UBE2V2: variants seen among roughly 807,000 people sequenced by gnomAD.
The protein encoded by UBE2V2 is ubiquitin conjugating enzyme E2 V2, also known as ubiquitin-conjugating enzyme E2 variant 2.
UBE2V2 carries 9 observed loss-of-function variants against 17.2 expected under a neutral mutation model. That is an observed-to-expected ratio of 0.52 (90% CI 0.32 to 0.91). The LOEUF (loss-of-function observed/expected upper bound fraction) is 0.91, where lower values mean the gene tolerates loss of function less well. UBE2V2 is among the 40% of genes least tolerant of loss of function. The pLI, the probability that UBE2V2 is intolerant of heterozygous loss-of-function variation, is 0.04. For missense variants in UBE2V2, 133 were observed against 182.6 expected (o/e 0.73, Z 1.56); for synonymous variants, 61 against 57.5 (o/e 1.06, Z -0.28).
At chr8:48,008,773 T>C (rs895432994) in intron 1 of UBE2V2, among the ~76,000 whole-genome samples, 4 of 151,694 alleles carry the variant, frequency 2.6e-5, no homozygotes, top group African/African-American at 7.3e-5. Flanking sequence ...GGCTGAAGGC[T>C]CTACGGGAGG....
intron 1 of UBE2V2, among the ~76,000 whole-genome samples, chr8:48,035,619 GTT>G (rs770027131): frequency 1.3e-3 from 110 of 84,600 alleles, no homozygotes; most frequent in Middle Eastern, 7.6e-3. Flanking sequence ...AAAAATTATT[GTT>G]TTTTTTTTTT....
At chr8:48,049,535 C>T (rs966092656) in intron 2 of UBE2V2, 2 of 192,352 alleles carry the variant, frequency 1.0e-5, no homozygotes, top group Non-Finnish European at 1.1e-5. Context: ...TTTCGTTTTT[C>T]CTTCTTCGTT....
At chr8:48,008,631 G>A in intron 1 of UBE2V2, 161 bp downstream of exon 1, 1 of 1,053,806 alleles carries the variant, frequency 9.5e-7, no homozygotes, top group Non-Finnish European at 1.2e-6. Context: ...GGTGGGACCG[G>A]CGCCGAGGCC....
At chr8:48,051,394 C>T (rs1442374955) in intron 3 of UBE2V2, among the ~76,000 whole-genome samples, 1 of 152,110 alleles carries the variant, frequency 6.6e-6, no homozygotes, top group Non-Finnish European at 1.5e-5. Context: ...CTTGATTTCT[C>T]ATCCCATCCC....
chr8:48,010,896 T>A (rs2091225399), intron 1 of UBE2V2, among the ~76,000 whole-genome samples: 3 of 147,856 alleles, frequency 2.0e-5, no homozygotes, highest in South Asian at 4.2e-4. Flanking sequence ...TTTTTGTATT[T>A]TTTTTTTTTT....
chr8:48,035,629 TTTTG>T (rs1227979330), intron 1 of UBE2V2, among the ~76,000 whole-genome samples: 5 of 133,404 alleles, frequency 3.7e-5, no homozygotes, highest in South Asian at 2.6e-4. Flanking sequence ...GTTTTTTTTT[TTTTG>T]TGTGTGTGTG....
At chr8:48,035,631 T>TTTTTTG (rs1554657539) in intron 1 of UBE2V2, among the ~76,000 whole-genome samples, 6 of 109,538 alleles carry the variant, frequency 5.5e-5, no homozygotes, top group Non-Finnish European at 7.0e-5. Flanking sequence ...TTTTTTTTTT[T>TTTTTTG]TGTGTGTGTG....
intron 1 of UBE2V2, among the ~76,000 whole-genome samples, chr8:48,015,588 T>C (rs1403260930): frequency 6.6e-6 from 1 of 152,144 alleles, no homozygotes; most frequent in African/African-American, 2.4e-5. Context: ...CTCTTAAACT[T>C]GTTCCTCCTG....
intron 1 of UBE2V2, among the ~76,000 whole-genome samples, chr8:48,040,180 C>T (rs2091452135): frequency 6.6e-6 from 1 of 151,834 alleles, no homozygotes; most frequent in East Asian, 1.9e-4. Context: ...TGTGTGTACT[C>T]TCTCTTCCCC....
intron 1 of UBE2V2, among the ~76,000 whole-genome samples, chr8:48,017,337 A>G (rs1420661790): frequency 6.6e-6 from 1 of 150,492 alleles, no homozygotes; most frequent in African/African-American, 2.4e-5. Flanking sequence ...TCAGATATAT[A>G]GTTTACGAGT....
At chr8:48,005,487 A>G (rs988500877), upstream of UBE2V2, among the ~76,000 whole-genome samples, 3 of 152,214 alleles carry the variant, frequency 2.0e-5, no homozygotes, top group Non-Finnish European at 4.4e-5. Context: ...ATACATGTGC[A>G]TGTGTCTTTA....
At chr8:48,026,171 G>A in intron 1 of UBE2V2, among the ~76,000 whole-genome samples, 1 of 151,024 alleles carries the variant, frequency 6.6e-6, no homozygotes, top group African/African-American at 2.4e-5. Flanking sequence ...GTATATTATC[G>A]GGTAGGAAGA....
At chr8:48,006,317 T>C (rs1049558434), upstream of UBE2V2, among the ~76,000 whole-genome samples, 7 of 152,172 alleles carry the variant, frequency 4.6e-5, no homozygotes. Flanking sequence ...AAAGATCAGA[T>C]GGTTGTAGAT....
At position 48,060,660 on chromosome 8, in the gene UBE2V2, G is replaced by C. The variant is rs767666745; in HGVS notation, c.292-22G>C. The C allele has an allele frequency of 7.0e-6, 10 of 1,435,266 alleles. No homozygotes were observed. The East Asian group carries it at 2.1e-4, about 30-fold the overall frequency. The allele number at this position is 1,435,266 out of a possible 1,614,324, so 88.9% of individuals were successfully genotyped here. On this transcript the variant is annotated intron_variant, in intron 3 of 3. Transcript: ENST00000523111. ...AGTACTTTAAACTTGCTAGTTAACT[G>C]TACTCTTTCCTCCCCTTTCAGGTGG...
intron 1 of UBE2V2, among the ~76,000 whole-genome samples, chr8:48,014,382 C>A (rs577100416): frequency 6.6e-6 from 1 of 152,176 alleles, no homozygotes; most frequent in Non-Finnish European, 1.5e-5. Context: ...TGGTGGCTCA[C>A]GCCTGTAATC....
chr8:48,039,421 A>G (rs188404465), intron 1 of UBE2V2, among the ~76,000 whole-genome samples: 22 of 152,242 alleles, frequency 1.4e-4, no homozygotes, highest in African/African-American at 5.3e-4. Context: ...TGATTCCCTG[A>G]TTACTGATGA....
At chr8:48,007,584 T>TC (rs2091192507), upstream of UBE2V2, among the ~76,000 whole-genome samples, 2 of 151,606 alleles carry the variant, frequency 1.3e-5, no homozygotes, top group African/African-American at 4.9e-5. Flanking sequence ...TTTTTTTTTT[T>TC]TTCAGTTTTA....
At chr8:48,019,329 A>C (rs1300340646) in intron 1 of UBE2V2, among the ~76,000 whole-genome samples, 1 of 152,050 alleles carries the variant, frequency 6.6e-6, no homozygotes, top group Non-Finnish European at 1.5e-5. Context: ...ACGGCACTGC[A>C]CTCCAGCCTG....
At chr8:48,026,223 A>G (rs2091344295) in intron 1 of UBE2V2, among the ~76,000 whole-genome samples, 1 of 152,026 alleles carries the variant, frequency 6.6e-6, no homozygotes, top group African/African-American at 2.4e-5. Flanking sequence ...ATTGGACAAC[A>G]GCTATGTAAC....
Sources: allele counts gnomAD v4.1 joint callset (sites outside exome capture counted in the v4.1 genomes callset), GRCh38; gene constraint gnomAD v4.1.1; transcripts MANE v1.5; gene names NCBI Gene and HGNC (gene_info 2026-07-23, HGNC 2026-07-21).